TBC1D2: variants seen among roughly 807,000 people sequenced by gnomAD.
TBC1D2 encodes the protein TBC1 domain family member 2A.
Under a neutral mutation model 91.1 loss-of-function variants are expected in TBC1D2, and 58 were observed. The ratio of observed to expected loss-of-function variants is 0.64; its 90% CI spans 0.52 to 0.79. The LOEUF (loss-of-function observed/expected upper bound fraction) is 0.79. Among genes scored for constraint, TBC1D2 ranks in the 30% least tolerant of loss-of-function variants. The probability of loss-of-function intolerance (pLI) is 0.00; values close to 1 mark genes in which losing one functional copy is unlikely to be tolerated. For synonymous variants in TBC1D2, 482 were observed against 511.5 expected (o/e 0.94, Z 0.78); for missense variants, 1,080 against 1,208.3 (o/e 0.89, Z 1.57).
Position 98,203,317 on chromosome 9 carries a change from A to C in TBC1D2, c.2242T>G (p.Tyr748Asp). ...GATGCCGTCAGCGTGTTGCAGTAGT[A>C]ATCAGCGGGCATGATGGTCTCCACA... ...AIVETIMPAD[Y>D]YCNTLTASQV... Residue 748 changes from tyrosine to aspartate, a missense_variant, in exon 10 of 13, where the codon TAC becomes GAC. Tyr to Asp is a radical substitution (Grantham distance 160). Transcript: ENST00000465784. 1.2e-6 allele frequency: 2 copies of C among 1,614,224 alleles called. No homozygotes were observed. The highest frequency in any genetic ancestry group is 1.7e-6 in the Non-Finnish European group (2 of 1,180,030).
intron 9 of TBC1D2, among the ~76,000 whole-genome samples, chr9:98,203,775 G>T (rs1368664632): frequency 6.6e-6 from 1 of 152,142 alleles, no homozygotes; most frequent in Non-Finnish European, 1.5e-5. Flanking sequence ...AGCTCATTCA[G>T]TGCCCCACAC....
chr9:98,241,561 C>T (rs1245761945), intron 3 of TBC1D2, among the ~76,000 whole-genome samples: 1 of 152,188 alleles, frequency 6.6e-6, no homozygotes, highest in East Asian at 1.9e-4. Context: ...AGGGAAGTTG[C>T]TCTATGACCC....
At chr9:98,211,884 A>C (rs1828851291) in intron 7 of TBC1D2, among the ~76,000 whole-genome samples, 1 of 148,634 alleles carries the variant, frequency 6.7e-6, no homozygotes, top group Non-Finnish European at 1.5e-5. Context: ...TGCAACCTCT[A>C]CCTCCGGGGT....
intron 2 of TBC1D2, among the ~76,000 whole-genome samples, chr9:98,251,465 G>A (rs1829872688): frequency 6.6e-6 from 1 of 152,134 alleles, no homozygotes; most frequent in Non-Finnish European, 1.5e-5. Flanking sequence ...TGCAGGCATT[G>A]TTCTAACCAT....
intron 5 of TBC1D2, among the ~76,000 whole-genome samples, chr9:98,224,984 A>T (rs1038793331): frequency 3.9e-5 from 6 of 152,222 alleles, no homozygotes; most frequent in African/African-American, 1.4e-4. Flanking sequence ...GACATGGCCA[A>T]GGTACCTCCC....
chr9:98,219,887 T>C (rs1376973235), intron 6 of TBC1D2, among the ~76,000 whole-genome samples: 3 of 152,130 alleles, frequency 2.0e-5, no homozygotes, highest in Non-Finnish European at 4.4e-5. Flanking sequence ...TATGGCTCCC[T>C]TTACGGACAG....
intron 2 of TBC1D2, among the ~76,000 whole-genome samples, chr9:98,248,513 A>G (rs993976992): frequency 6.6e-6 from 1 of 152,216 alleles, no homozygotes; most frequent in Admixed American, 6.5e-5. Flanking sequence ...GCCTCCCTAG[A>G]GGGCCCTGGA....
intron 5 of TBC1D2, among the ~76,000 whole-genome samples, chr9:98,226,025 T>C (rs1180285495): frequency 1.3e-5 from 2 of 152,254 alleles, no homozygotes; most frequent in Non-Finnish European, 2.9e-5. Flanking sequence ...GGTGCCCATC[T>C]TCCCAGCTGA....
At chr9:98,223,548 T>C (rs1246259587) in intron 5 of TBC1D2, among the ~76,000 whole-genome samples, 2 of 152,218 alleles carry the variant, frequency 1.3e-5, no homozygotes, top group Non-Finnish European at 2.9e-5. Flanking sequence ...GGAGGTTACC[T>C]TGGATGACTG....
At chr9:98,226,719 C>A (rs1242207064) in intron 5 of TBC1D2, among the ~76,000 whole-genome samples, 5 of 152,160 alleles carry the variant, frequency 3.3e-5, no homozygotes, top group Admixed American at 2.0e-4. Context: ...CCCTCTGTCC[C>A]AGGACACAAA....
Position 98,209,032 on chromosome 9 carries a change from C to T in TBC1D2, c.1786G>A (p.Glu596Lys), listed in dbSNP as rs537570553. Residue 596 changes from glutamate (E) to lysine (K), a missense_variant, in exon 9 of 13, where the codon GAG (glutamate) becomes AAG (lysine). Transcript: ENST00000465784. Reference protein sequence around the residue: ...ESRSHHLLGLEAVDRPLRERW... With the variant: ...ESRSHHLLGLKAVDRPLRERW... ...TCCCTCAGCGGCCGATCCACAGCCT[C>T]GAGGCCCAGCAGGTGGTGGGATCGT... 668 of 1,614,144 alleles carry T rather than the reference C, an allele frequency of 4.1e-4. 8 individuals are homozygous for T. In the South Asian group the frequency reaches 6.5e-3, roughly 16 times the overall value.
intron 6 of TBC1D2, among the ~76,000 whole-genome samples, chr9:98,217,546 C>T (rs1406353415): frequency 1.3e-5 from 2 of 152,196 alleles, no homozygotes; most frequent in African/African-American, 2.4e-5. Flanking sequence ...TTCTCAAAAC[C>T]AAAGTCTGAA....
At chr9:98,218,306 C>T (rs1316703463) in intron 6 of TBC1D2, among the ~76,000 whole-genome samples, 1 of 152,080 alleles carries the variant, frequency 6.6e-6, no homozygotes, top group African/African-American at 2.4e-5. Context: ...GTGGCTCACA[C>T]CTGTAATCCC....
chr9:98,233,532 A>T lies in TBC1D2; in HGVS notation c.665T>A (p.Ile222Asn). ...TCCCTGGGCCTGCTTGTTGCCACGGATGTTGTGCATTGTGTTCCTGAAAGG... is the reference window on the plus strand; with the variant it reads ...TCCCTGGGCCTGCTTGTTGCCACGGTTGTTGTGCATTGTGTTCCTGAAAGG... ...GTEIQNTMHN[I>N]RGNKQAQGTG... Residue 222 changes from isoleucine to asparagine, a missense_variant, in exon 4 of 13, where the codon ATC (isoleucine) becomes AAC (asparagine). Ile to Asn is a moderately radical substitution (Grantham distance 149). Coordinates refer to ENST00000465784, the MANE Select transcript of TBC1D2 (RefSeq NM_001267571.2). 1 of 1,614,060 alleles carries T rather than the reference A, an allele frequency of 6.2e-7. No homozygotes were observed. Among genetic ancestry groups the T allele is most frequent in the Non-Finnish European group, 8.5e-7 (1 of 1,179,982 alleles).
At chr9:98,212,386 TG>T (rs1394356373) in intron 7 of TBC1D2, among the ~76,000 whole-genome samples, 1 of 152,154 alleles carries the variant, frequency 6.6e-6, no homozygotes, top group Non-Finnish European at 1.5e-5. Context: ...CTCCACTGCT[TG>T]CCTGGATAAC....
intron 5 of TBC1D2, among the ~76,000 whole-genome samples, chr9:98,224,007 G>T (rs190525898): frequency 6.6e-6 from 1 of 152,014 alleles, no homozygotes; most frequent in Non-Finnish European, 1.5e-5. Context: ...AGACCATCCT[G>T]GCTAACATGG....
At chr9:98,237,980 T>C (rs1008625259) in intron 3 of TBC1D2, among the ~76,000 whole-genome samples, 1 of 150,368 alleles carries the variant, frequency 6.7e-6, no homozygotes, top group African/African-American at 2.5e-5. Context: ...CATGGCTCAC[T>C]GCAGTCTCTG....
chr9:98,234,874 G>A (rs10818640), intron 3 of TBC1D2: 54,772 of 208,208 alleles, frequency 0.26, 7,898 homozygotes, highest in Middle Eastern at 0.3. Context: ...AGTGAGCTTC[G>A]ACACGAGGAA....
intron 7 of TBC1D2, 56 bp downstream of exon 7, chr9:98,213,052 G>T (rs1279030825): frequency 6.3e-7 from 1 of 1,588,220 alleles, no homozygotes; most frequent in East Asian, 2.2e-5. Flanking sequence ...GGGCAGCATG[G>T]GGACCAGCAG....
Sources: allele counts gnomAD v4.1 joint callset (sites outside exome capture counted in the v4.1 genomes callset), GRCh38; gene constraint gnomAD v4.1.1; transcripts MANE v1.5; gene names NCBI Gene and HGNC (gene_info 2026-07-23, HGNC 2026-07-21).